The following ARHGAP32 variants were observed in gnomAD, a reference collection of about 807,000 sequenced individuals.
ARHGAP32 encodes rho GTPase-activating protein 32.
Under a neutral mutation model 186.5 loss-of-function variants are expected in ARHGAP32, and 51 were observed. That is an observed-to-expected ratio of 0.27 (90% CI 0.22 to 0.35). The LOEUF (loss-of-function observed/expected upper bound fraction) is 0.35, where lower values mean the gene tolerates loss of function less well. ARHGAP32 is among the 10% of genes least tolerant of loss of function. The pLI, the probability that ARHGAP32 is intolerant of heterozygous loss-of-function variation, is 1.00. For missense variants in ARHGAP32, 2,186 were observed against 2,623.5 expected, an observed-to-expected ratio of 0.83 and a Z score of 3.64; for synonymous variants, 950 against 964.3, an observed-to-expected ratio of 0.99 and a Z score of 0.27.
At chr11:129,011,617 C>T (rs1376850198) in intron 11 of ARHGAP32, among the ~76,000 whole-genome samples, 2 of 152,044 alleles carry the variant, frequency 1.3e-5, no homozygotes, top group African/African-American at 4.8e-5. Context: ...TACAAATAAA[C>T]AATTTTAAAC....
intron 11 of ARHGAP32, among the ~76,000 whole-genome samples, chr11:129,019,138 C>T (rs1938487278): frequency 6.6e-6 from 1 of 152,170 alleles, no homozygotes; most frequent in African/African-American, 2.4e-5. Context: ...CTATTCCTAT[C>T]TCTGTGAATC....
At chr11:128,989,725 C>T (rs1038863772) in intron 12 of ARHGAP32, among the ~76,000 whole-genome samples, 1 of 152,094 alleles carries the variant, frequency 6.6e-6, no homozygotes, top group Middle Eastern at 3.4e-3. Context: ...CCCAACCCCC[C>T]GAGAGGCCCT....
At chr11:129,254,493 C>G (rs1591721643) in intron 1 of ARHGAP32, among the ~76,000 whole-genome samples, 1 of 152,050 alleles carries the variant, frequency 6.6e-6, no homozygotes, top group Admixed American at 6.6e-5. Flanking sequence ...CTTAGCATTT[C>G]CTCCAACAGA....
chr11:129,049,833 T>A (rs1939964763), intron 10 of ARHGAP32, among the ~76,000 whole-genome samples: 1 of 152,208 alleles, frequency 6.6e-6, no homozygotes, highest in South Asian at 2.1e-4. Context: ...AAAGATGCTA[T>A]GAACATTCAT....
chr11:129,249,328 T>C (rs1045064801), intron 1 of ARHGAP32, among the ~76,000 whole-genome samples: 3 of 152,062 alleles, frequency 2.0e-5, no homozygotes, highest in Middle Eastern at 3.2e-3. Context: ...CATATATATA[T>C]ATACACACAC....
chr11:129,035,959 A>G (rs1332093154), intron 11 of ARHGAP32, among the ~76,000 whole-genome samples: 1 of 152,250 alleles, frequency 6.6e-6, no homozygotes, highest in African/African-American at 2.4e-5. Flanking sequence ...TAATTTAGAA[A>G]TAACAATGCT....
chr11:129,250,150 G>C (rs1424101747), intron 1 of ARHGAP32, among the ~76,000 whole-genome samples: 3 of 152,080 alleles, frequency 2.0e-5, no homozygotes, highest in Non-Finnish European at 2.9e-5. Context: ...ACAAGAGGTT[G>C]AGGCTGCAAT....
chr11:129,097,417 T>C (rs1287818114), intron 5 of ARHGAP32, among the ~76,000 whole-genome samples: 2 of 152,102 alleles, frequency 1.3e-5, no homozygotes, highest in Non-Finnish European at 2.9e-5. Flanking sequence ...AAGGAAGTTG[T>C]GGAAAAAGTC....
rs185312099 is a variant in ARHGAP32, at chr11:129,199,152, C to T, written c.-4-34725G>A. On this transcript the variant is annotated intron_variant, in intron 1 of 6. Coordinates refer to the ARHGAP32 transcript ENST00000525234. Reference sequence around the variant, plus strand: ...ATGTGACTGGGTTGCTGTTAAAAAGCATTCAGTTTTATAAGGGAAACAGAG... The same window carrying T: ...ATGTGACTGGGTTGCTGTTAAAAAGTATTCAGTTTTATAAGGGAAACAGAG... Among the ~76,000 whole-genome samples the T allele has an allele frequency of 6.6e-5, 10 of 152,304 alleles. No individual in the cohort carries two copies. In the East Asian group the frequency reaches 1.9e-3, roughly 29 times the overall value.
intron 1 of ARHGAP32, among the ~76,000 whole-genome samples, chr11:129,243,019 T>C (rs1591714877): frequency 6.6e-6 from 1 of 152,262 alleles, no homozygotes; most frequent in East Asian, 1.9e-4. Flanking sequence ...CAAATCCATA[T>C]TCTTCAACTC....
At chr11:129,023,424 A>C (rs1391254614) in intron 11 of ARHGAP32, among the ~76,000 whole-genome samples, 1 of 152,196 alleles carries the variant, frequency 6.6e-6, no homozygotes, top group Non-Finnish European at 1.5e-5. Context: ...AGCACTGCCC[A>C]TTTCCATTAA....
chr11:129,029,033 T>C (rs1019479094), intron 11 of ARHGAP32, among the ~76,000 whole-genome samples: 2 of 152,160 alleles, frequency 1.3e-5, no homozygotes, highest in African/African-American at 4.8e-5. Flanking sequence ...TTTTTATGCA[T>C]AGTGAAGAAA....
intron 1 of ARHGAP32, among the ~76,000 whole-genome samples, chr11:129,240,318 T>TG (rs1341639801): frequency 6.6e-6 from 1 of 151,926 alleles, no homozygotes; most frequent in Non-Finnish European, 1.5e-5. Context: ...TATATGACCT[T>TG]GGGGAAAAAA....
At chr11:129,048,452 G>A (rs1287888548) in intron 10 of ARHGAP32, among the ~76,000 whole-genome samples, 1 of 151,624 alleles carries the variant, frequency 6.6e-6, no homozygotes, top group African/African-American at 2.4e-5. Flanking sequence ...ACTAATGATA[G>A]TTTAAGTAAG....
chr11:129,266,344 A>AAT (rs142513419), intron 1 of ARHGAP32, among the ~76,000 whole-genome samples: 22 of 151,284 alleles, frequency 1.5e-4, no homozygotes, highest in South Asian at 4.2e-4. Flanking sequence ...TGTTCATTAA[A>AAT]ATATATATAT....
intron 11 of ARHGAP32, among the ~76,000 whole-genome samples, chr11:129,002,759 C>T (rs1265789733): frequency 2.0e-5 from 3 of 148,940 alleles, no homozygotes; most frequent in Admixed American, 6.7e-5. Context: ...GACACATGTT[C>T]CTTCTATATA....
intron 11 of ARHGAP32, among the ~76,000 whole-genome samples, chr11:129,016,136 A>T (rs1287598055): frequency 6.6e-6 from 1 of 152,162 alleles, no homozygotes; most frequent in Non-Finnish European, 1.5e-5. Context: ...CAGAATAGGC[A>T]TTGTTTTCAT....
chr11:128,971,677 C>G (rs1355694508), intron 22 of ARHGAP32: 1 of 153,708 alleles, frequency 6.5e-6, no homozygotes, highest in Non-Finnish European at 1.4e-5. Flanking sequence ...CCTTTGATTC[C>G]ACCTTAGTCT....
chr11:129,212,526 A>C (rs1944594191), intron 1 of ARHGAP32, among the ~76,000 whole-genome samples: 1 of 152,206 alleles, frequency 6.6e-6, no homozygotes, highest in Non-Finnish European at 1.5e-5. Context: ...AGCCGTACCA[A>C]TATCACTATA....
Sources: gnomAD v4.1 joint callset for allele counts (sites outside exome capture counted in the v4.1 genomes callset) on GRCh38, gnomAD v4.1.1 for gene constraint, MANE v1.5 for transcripts, NCBI Gene and HGNC (gene_info 2026-07-23, HGNC 2026-07-21) for gene names.